The following PURG variants were observed in gnomAD, a reference collection of about 807,000 sequenced individuals.
PURG encodes the protein purine rich element binding protein G.
Under a neutral mutation model 24.3 loss-of-function variants are expected in PURG, and 3 were observed. The observed-to-expected ratio is 0.12, with a 90% CI of 0.06 to 0.32. The LOEUF (loss-of-function observed/expected upper bound fraction) is 0.32. Among genes scored for constraint, PURG ranks in the 10% least tolerant of loss-of-function variants. The pLI is 1.00. For synonymous variants in PURG, 180 were observed against 173.1 expected (o/e 1.04, Z -0.31); for missense variants, 371 against 439.1 (o/e 0.84, Z 1.39).
downstream of PURG, among the ~76,000 whole-genome samples, chr8:31,030,096 T>A (rs938977192): frequency 2.6e-5 from 4 of 152,004 alleles, no homozygotes; most frequent in African/African-American, 7.2e-5. Context: ...TTAATTTTTT[T>A]AATTCATACC....
chr8:31,022,073 C>T (rs766905939), intron 1 of PURG, among the ~76,000 whole-genome samples: 2 of 151,360 alleles, frequency 1.3e-5, no homozygotes, highest in African/African-American at 2.4e-5. Flanking sequence ...TAGGTTCAAG[C>T]GATTCTCCTG....
chr8:31,007,955 G>C (rs12547523), intron 1 of PURG, among the ~76,000 whole-genome samples: 5,177 of 152,266 alleles, frequency 0.034, 116 homozygotes, highest in Non-Finnish European at 0.053. Flanking sequence ...GGATGAGTAG[G>C]AAATTTTAAT....
At chr8:31,017,570 A>T (rs1810899115) in intron 1 of PURG, among the ~76,000 whole-genome samples, 1 of 152,192 alleles carries the variant, frequency 6.6e-6, no homozygotes, top group African/African-American at 2.4e-5. Context: ...CATAAAAGCT[A>T]CTATTTGCCC....
chr8:31,019,046 CCCGGGAGGCGG>C (rs1810927590), intron 1 of PURG, among the ~76,000 whole-genome samples: 3 of 131,138 alleles, frequency 2.3e-5, no homozygotes, highest in Admixed American at 1.7e-4. Flanking sequence ...ATGGCATGAA[CCCGGGAGGCGG>C]AGCTTGCAGT....
chr8:31,032,298 C>T lies in PURG; in HGVS notation c.485G>A (p.Gly162Glu). Reference protein sequence around the residue: ...HSAPSPPVSVGSEEHPHSVLK... With the variant: ...HSAPSPPVSVESEEHPHSVLK... ...GACACTGTGAGGATGCTCTTCGGAC[C>T]CCACCGAGACTGGTGGGGAGGGTGC... Residue 162 changes from glycine to glutamate, a missense_variant, in exon 2 of 2, where the codon GGG (glycine) becomes GAG (glutamate). Gly to Glu is a moderately conservative substitution (Grantham distance 98). Around this residue, in one of 5 missense-constraint regions of PURG, gnomAD observed 213 missense variants for 230.6 expected, o/e 0.92. Transcript: ENST00000523392. This position sits in a 1 kb window ranked among gnomAD's most constrained non-coding sequence, Gnocchi z 5.9. 1.2e-6 allele frequency: 2 copies of T among 1,612,250 alleles called. No individual in the cohort carries two copies. The highest frequency in any genetic ancestry group is 1.7e-6 in the Non-Finnish European group (2 of 1,179,860).
downstream of PURG, among the ~76,000 whole-genome samples, chr8:31,029,497 T>C (rs746831418): frequency 6.6e-6 from 1 of 151,780 alleles, no homozygotes. Flanking sequence ...TATGTATACA[T>C]GTATATACAT....
At chr8:31,030,482 G>A (rs1305077894), downstream of PURG, among the ~76,000 whole-genome samples, 1 of 151,916 alleles carries the variant, frequency 6.6e-6, no homozygotes, top group African/African-American at 2.4e-5. Context: ...AAATTGCTGT[G>A]GCACTTCCTG....
At chr8:30,996,602 A>T in exon 2 of PURG, 1 of 1,605,202 alleles carries the variant, frequency 6.2e-7, no homozygotes, top group Non-Finnish European at 8.5e-7. Flanking sequence ...CTTATTCCTC[A>T]ACTGTTTTTG....
At chr8:31,028,487 A>G (rs1343782825), downstream of PURG, among the ~76,000 whole-genome samples, 1 of 151,882 alleles carries the variant, frequency 6.6e-6, no homozygotes, top group African/African-American at 2.4e-5. Context: ...TGCCTGGACC[A>G]TACAGCTTTC....
downstream of PURG, among the ~76,000 whole-genome samples, chr8:31,026,786 T>C (rs900885821): frequency 6.6e-6 from 1 of 151,166 alleles, no homozygotes; most frequent in African/African-American, 2.4e-5. Flanking sequence ...ATATGTATGT[T>C]TTTCCCTATT....
chr8:31,017,789 G>A (rs978357804), intron 1 of PURG, among the ~76,000 whole-genome samples: 2 of 152,116 alleles, frequency 1.3e-5, no homozygotes, highest in East Asian at 3.8e-4. Flanking sequence ...ATTAGCAAAC[G>A]ATGTTGCTTC....
intron 1 of PURG, among the ~76,000 whole-genome samples, chr8:31,002,846 A>C (rs901451956): frequency 6.6e-6 from 1 of 152,242 alleles, no homozygotes; most frequent in African/African-American, 2.4e-5. Context: ...GTGGGAACAA[A>C]GACCATATCC....
chr8:31,022,645 G>C (rs769814190), intron 1 of PURG, among the ~76,000 whole-genome samples: 3 of 152,232 alleles, frequency 2.0e-5, no homozygotes, highest in Non-Finnish European at 4.4e-5. Context: ...CAGTGTACAG[G>C]AGGGAAGAAG....
At chr8:31,030,245 C>G (rs186517155), downstream of PURG, among the ~76,000 whole-genome samples, 11 of 152,122 alleles carry the variant, frequency 7.2e-5, no homozygotes, top group East Asian at 2.1e-3. Context: ...GCAGCCAGCT[C>G]TCATCAATGA....
intron 1 of PURG, among the ~76,000 whole-genome samples, chr8:31,015,500 T>C (rs772667419): frequency 3.9e-4 from 60 of 152,094 alleles, no homozygotes; most frequent in Non-Finnish European, 8.2e-4. Flanking sequence ...AGAAATGTCA[T>C]TTGAGACGTA....
chr8:31,026,018 T>G (rs565044380), downstream of PURG, among the ~76,000 whole-genome samples: 25 of 151,874 alleles, frequency 1.6e-4, no homozygotes, highest in Non-Finnish European at 3.5e-4. Context: ...AAACTTGGAT[T>G]TGATGAGGTT....
intron 1 of PURG, among the ~76,000 whole-genome samples, chr8:31,006,361 G>A (rs1014677018): frequency 6.6e-6 from 1 of 152,020 alleles, no homozygotes; most frequent in East Asian, 1.9e-4. Context: ...TTGAGAGGGC[G>A]AGGAGGGTGG....
chr8:31,018,388 A>C (rs1327217255), intron 1 of PURG, among the ~76,000 whole-genome samples: 1 of 152,188 alleles, frequency 6.6e-6, no homozygotes, highest in African/African-American at 2.4e-5. Context: ...AATTCCCTTT[A>C]TGCATCCCAC....
chr8:31,026,415 C>G (rs1289510551), downstream of PURG, among the ~76,000 whole-genome samples: 1 of 151,486 alleles, frequency 6.6e-6, no homozygotes, highest in Non-Finnish European at 1.5e-5. Flanking sequence ...ATTTAAAATA[C>G]ACATATATTT....
Sources: allele counts gnomAD v4.1 joint callset (sites outside exome capture counted in the v4.1 genomes callset), GRCh38; gene constraint gnomAD v4.1.1; regional missense constraint gnomAD v4.1.1; non-coding constraint Gnocchi (gnomAD v3.1); transcripts MANE v1.5; gene names NCBI Gene and HGNC (gene_info 2026-07-23, HGNC 2026-07-21).